The following LRRTM4 variants were observed in gnomAD, a reference collection of about 807,000 sequenced individuals.
LRRTM4 encodes leucine-rich repeat transmembrane neuronal protein 4.
Under a neutral mutation model 47.6 loss-of-function variants are expected in LRRTM4, and 25 were observed. The ratio of observed to expected loss-of-function variants is 0.53; its 90% CI spans 0.38 to 0.73. LRRTM4 has a LOEUF of 0.73. LRRTM4 is among the 30% of genes least tolerant of loss of function. LRRTM4 has a pLI of 0.00. For missense variants in LRRTM4, 638 were observed against 713.4 expected (o/e 0.89, Z 1.20); for synonymous variants, 311 against 269.5 (o/e 1.15, Z -1.51).
At chr2:76,927,134 T>C (rs1316923802) in intron 3 of LRRTM4, among the ~76,000 whole-genome samples, 1 of 148,700 alleles carries the variant, frequency 6.7e-6, no homozygotes, top group Non-Finnish European at 1.5e-5. Flanking sequence ...TGTGGATCTC[T>C]ATAGAGATCT....
intron 3 of LRRTM4, among the ~76,000 whole-genome samples, chr2:77,400,233 A>ATAAC (rs148670495): frequency 0.033 from 4,929 of 151,572 alleles, 273 homozygotes; most frequent in African/African-American, 0.11. Context: ...TCCATTCTAA[A>ATAAC]TATTCCTGTT....
intron 3 of LRRTM4, among the ~76,000 whole-genome samples, chr2:77,067,714 CACATACAT>C (rs779122800): frequency 1.3e-5 from 2 of 151,134 alleles, no homozygotes; most frequent in African/African-American, 2.4e-5. Context: ...CACACACACA[CACATACAT>C]ATTTCAGGAA....
chr2:77,020,800 A>C (rs1202185619), intron 3 of LRRTM4, among the ~76,000 whole-genome samples: 2 of 152,178 alleles, frequency 1.3e-5, no homozygotes, highest in African/African-American at 4.8e-5. Flanking sequence ...AACAACAACG[A>C]AGATGCTGAG....
At chr2:77,089,944 A>T (rs183291204) in intron 3 of LRRTM4, among the ~76,000 whole-genome samples, 7,857 of 151,410 alleles carry the variant, frequency 0.052, 317 homozygotes, top group Non-Finnish European at 0.073. Context: ...ACTCATCCCA[A>T]ATCTTCCTTC....
At chr2:77,187,801 G>A (rs754676731) in intron 3 of LRRTM4, among the ~76,000 whole-genome samples, 1 of 151,762 alleles carries the variant, frequency 6.6e-6, no homozygotes, top group African/African-American at 2.4e-5. Context: ...CTTTACACAA[G>A]CATGCAGATT....
intron 3 of LRRTM4, among the ~76,000 whole-genome samples, chr2:77,042,372 G>A (rs1573490002): frequency 6.6e-6 from 1 of 151,684 alleles, no homozygotes; most frequent in East Asian, 1.9e-4. Flanking sequence ...TGTGTTCAAT[G>A]TTACACTTTT....
rs370899591 is a variant in LRRTM4, at chr2:77,122,546, A to G, written c.1552-373630T>C. On this transcript the variant is annotated intron_variant, in intron 3 of 3. Transcript: ENST00000409884. The stretch of plus-strand genomic sequence containing the variant: ...ATATATACACAATAGATATACACAC[A>G]CACATACACATATATATAATCTTTG... Among the ~76,000 whole-genome samples, 6 of 150,838 alleles carry G rather than the reference A, an allele frequency of 4.0e-5. No homozygotes were observed. In the South Asian group the frequency reaches 1.2e-3, roughly 31 times the overall value.
At chr2:76,946,017 A>G (rs1371843333) in intron 3 of LRRTM4, among the ~76,000 whole-genome samples, 1 of 151,866 alleles carries the variant, frequency 6.6e-6, no homozygotes, top group Non-Finnish European at 1.5e-5. Context: ...TGAAATCTCA[A>G]TGCAATATCA....
intron 3 of LRRTM4, among the ~76,000 whole-genome samples, chr2:76,779,392 G>T (rs1389677875): frequency 4.6e-5 from 7 of 150,982 alleles, no homozygotes; most frequent in Admixed American, 3.3e-4. Flanking sequence ...ATGTATGGGA[G>T]TCTAAGTCTC....
intron 3 of LRRTM4, among the ~76,000 whole-genome samples, chr2:77,232,783 A>G (rs1353806651): frequency 1.3e-5 from 2 of 152,222 alleles, no homozygotes; most frequent in African/African-American, 4.8e-5. Context: ...TAGGAGAAAA[A>G]AATTAAAATG....
At chr2:76,966,642 G>A (rs1055369147) in intron 3 of LRRTM4, among the ~76,000 whole-genome samples, 7 of 151,334 alleles carry the variant, frequency 4.6e-5, no homozygotes, top group African/African-American at 1.7e-4. Context: ...TCACCTTCTT[G>A]TCTTCCGTTC....
At chr2:77,204,734 C>T (rs1004010164) in intron 3 of LRRTM4, among the ~76,000 whole-genome samples, 2 of 152,120 alleles carry the variant, frequency 1.3e-5, no homozygotes, top group African/African-American at 4.8e-5. Flanking sequence ...TCTGCAAACT[C>T]CATGAAGGTA....
intron 3 of LRRTM4, among the ~76,000 whole-genome samples, chr2:77,360,537 A>ATACGATACG (rs1558706320): frequency 3.8e-4 from 45 of 119,816 alleles, no homozygotes; most frequent in East Asian, 3.2e-3. Flanking sequence ...GATACGATAC[A>ATACGATACG]ATACAATCAT....
intron 3 of LRRTM4, among the ~76,000 whole-genome samples, chr2:76,903,271 G>A (rs1324323964): frequency 6.6e-6 from 1 of 151,432 alleles, no homozygotes; most frequent in Admixed American, 6.6e-5. Flanking sequence ...GTGTGGTGGA[G>A]GACACCTGTA....
chr2:77,041,333 G>A (rs1473455340), intron 3 of LRRTM4, among the ~76,000 whole-genome samples: 1 of 151,502 alleles, frequency 6.6e-6, no homozygotes, highest in Non-Finnish European at 1.5e-5. Context: ...TTGATTGATA[G>A]ACACTTAGGT....
rs143509225 is a variant in LRRTM4, at chr2:77,166,109, G to T, written c.1551+352209C>A. Among the ~76,000 whole-genome samples the T allele has an allele frequency of 5.5e-3, 845 of 152,270 alleles. 3 individuals carry two copies. Among genetic ancestry groups the T allele is most frequent in the African/African-American group, 0.019 (771 of 41,564 alleles). ...TAAGCTGATAAGCAACTTCAGCAAA[G>T]TCTCAGGATATAAAATTAATGTGCA... On this transcript the variant is annotated intron_variant, in intron 3 of 3. Transcript: ENST00000409884.
At chr2:77,437,454 T>A (rs994008537) in intron 3 of LRRTM4, among the ~76,000 whole-genome samples, 2 of 152,066 alleles carry the variant, frequency 1.3e-5, no homozygotes, top group African/African-American at 4.8e-5. Context: ...ACACCTATGT[T>A]TGAAATGAAA....
intron 3 of LRRTM4, among the ~76,000 whole-genome samples, chr2:77,276,185 C>T (rs960489702): frequency 1.3e-5 from 2 of 151,928 alleles, no homozygotes; most frequent in Non-Finnish European, 2.9e-5. Context: ...AATTATAATT[C>T]TAACCATTAA....
chr2:77,150,415 C>A (rs1382141964), intron 3 of LRRTM4, among the ~76,000 whole-genome samples: 2 of 152,092 alleles, frequency 1.3e-5, no homozygotes, highest in Non-Finnish European at 2.9e-5. Flanking sequence ...GAATGAAATA[C>A]TGTATCTGCT....
Sources: gnomAD v4.1 joint callset for allele counts (sites outside exome capture counted in the v4.1 genomes callset) on GRCh38, gnomAD v4.1.1 for gene constraint, MANE v1.5 for transcripts, NCBI Gene and HGNC (gene_info 2026-07-23, HGNC 2026-07-21) for gene names.